Variants in HERC4 observed in about 807,000 individuals in gnomAD.
HERC4 encodes the protein HECT and RLD domain containing E3 ubiquitin protein ligase 4.
HERC4 carries 28 observed loss-of-function variants against 124.3 expected under a neutral mutation model. The ratio of observed to expected loss-of-function variants is 0.23; its 90% CI spans 0.17 to 0.31. The LOEUF (loss-of-function observed/expected upper bound fraction) is 0.31, where lower values mean the gene tolerates loss of function less well. Ranked by LOEUF, HERC4 falls within the 10% of genes least tolerant of loss-of-function variation. The probability of loss-of-function intolerance (pLI) is 1.00; values close to 1 mark genes in which losing one functional copy is unlikely to be tolerated. For synonymous variants in HERC4, 407 were observed against 421.5 expected, an observed-to-expected ratio of 0.97 and a Z score of 0.42; for missense variants, 713 against 1,229.3, an observed-to-expected ratio of 0.58 and a Z score of 6.28.
intron 9 of HERC4, among the ~76,000 whole-genome samples, chr10:68,004,170 C>T (rs2037403806): frequency 6.6e-6 from 1 of 152,088 alleles, no homozygotes. Context: ...AGATCTTTTG[C>T]CCATTTTTTA....
chr10:68,053,564 T>C (rs2133627288), intron 3 of HERC4, among the ~76,000 whole-genome samples: 1 of 152,248 alleles, frequency 6.6e-6, no homozygotes, highest in South Asian at 2.1e-4. Flanking sequence ...GTGCTGGGAT[T>C]ATAGGTTTGA....
At chr10:67,961,974 ACT>A (rs1234428061) in intron 16 of HERC4, among the ~76,000 whole-genome samples, 1 of 152,046 alleles carries the variant, frequency 6.6e-6, no homozygotes, top group African/African-American at 2.4e-5. Context: ...TTCAGATTAC[ACT>A]CTGTTTAGCT....
intron 21 of HERC4, among the ~76,000 whole-genome samples, chr10:67,939,137 T>C (rs1039547798): frequency 3.3e-5 from 5 of 152,226 alleles, no homozygotes; most frequent in Admixed American, 1.3e-4. Context: ...GAAAGGAATG[T>C]ACCAGTGGAA....
At chr10:68,013,021 T>G (rs1282827735) in intron 9 of HERC4, among the ~76,000 whole-genome samples, 1 of 152,158 alleles carries the variant, frequency 6.6e-6, no homozygotes, top group Non-Finnish European at 1.5e-5. Context: ...CATGCCGCAT[T>G]TTATTGTGCT....
chr10:67,967,533 G>A (rs1476329343), intron 15 of HERC4, among the ~76,000 whole-genome samples: 1 of 152,132 alleles, frequency 6.6e-6, no homozygotes, highest in Non-Finnish European at 1.5e-5. Flanking sequence ...ATCTGGACAC[G>A]ATGTGAAAAA....
At chr10:67,971,338 A>G (rs186288798) in intron 15 of HERC4, among the ~76,000 whole-genome samples, 4 of 152,224 alleles carry the variant, frequency 2.6e-5, no homozygotes, top group Admixed American at 2.0e-4. Context: ...TATGAGAAAT[A>G]AAAATTACAG....
chr10:68,036,045 T>A (rs548297402), intron 5 of HERC4, among the ~76,000 whole-genome samples: 1 of 152,288 alleles, frequency 6.6e-6, no homozygotes, highest in South Asian at 2.1e-4. Flanking sequence ...CTGGGCACAG[T>A]GGCTCACGCC....
intron 19 of HERC4, among the ~76,000 whole-genome samples, chr10:67,950,081 T>C (rs755816147): frequency 2.0e-5 from 3 of 151,662 alleles, no homozygotes; most frequent in Non-Finnish European, 2.9e-5. Context: ...CAAAAGAGTA[T>C]CTCCAATATT....
intron 21 of HERC4, among the ~76,000 whole-genome samples, chr10:67,938,209 AACGCGGGCAGATC>A (rs1312035368): frequency 6.7e-6 from 1 of 150,338 alleles, no homozygotes; most frequent in African/African-American, 2.4e-5. Flanking sequence ...TTGGGAGGCT[AACGCGGGCAGATC>A]ACGAGGTCAA....
At chr10:68,012,128 T>C (rs564595141) in intron 9 of HERC4, among the ~76,000 whole-genome samples, 2 of 152,244 alleles carry the variant, frequency 1.3e-5, no homozygotes, top group Non-Finnish European at 2.9e-5. Flanking sequence ...AGAATCTTGG[T>C]CTGGATTAGA....
At chr10:68,027,937 T>G (rs988681364) in intron 7 of HERC4, among the ~76,000 whole-genome samples, 2 of 147,536 alleles carry the variant, frequency 1.4e-5, no homozygotes, top group African/African-American at 4.9e-5. Flanking sequence ...AAGAAAAAAA[T>G]TATATATATA....
intron 11 of HERC4, among the ~76,000 whole-genome samples, chr10:67,991,513 A>G (rs1015679895): frequency 2.6e-5 from 4 of 152,190 alleles, no homozygotes; most frequent in African/African-American, 9.6e-5. Context: ...TTTAATTTAA[A>G]AAAATTTTAA....
chr10:67,966,826 A>G, intron 15 of HERC4, 24 bp from the exon 16 acceptor site: 3 of 1,525,096 alleles, frequency 2.0e-6, no homozygotes, highest in Non-Finnish European at 2.6e-6. Flanking sequence ...TGTAATTGAC[A>G]TTAAATTTAA....
chr10:67,925,657 C>T (rs1259242585), intron 23 of HERC4, among the ~76,000 whole-genome samples: 6 of 152,070 alleles, frequency 3.9e-5, no homozygotes, highest in African/African-American at 9.6e-5. Flanking sequence ...TATTCATGCC[C>T]GTGTGTATAA....
At chr10:68,073,971 C>G (rs999018393) in intron 1 of HERC4, 1 of 152,012 alleles carries the variant, frequency 6.6e-6, no homozygotes, top group East Asian at 1.9e-4. Flanking sequence ...CAAGTGGTAA[C>G]CGGGATTAAA....
chr10:67,927,227 T>A (rs538658303), intron 23 of HERC4, among the ~76,000 whole-genome samples: 1 of 151,896 alleles, frequency 6.6e-6, no homozygotes, highest in African/African-American at 2.4e-5. Context: ...GGCTAAAGTT[T>A]TTTTTTCTTT....
At chr10:67,965,928 A>G (rs1227186120) in intron 16 of HERC4, 1 of 152,248 alleles carries the variant, frequency 6.6e-6, no homozygotes, top group Non-Finnish European at 1.5e-5. Flanking sequence ...TTCAAGTTTT[A>G]TAAGACCATG....
chr10:67,923,142 G>T lies in HERC4; in HGVS notation c.2942-3C>A, dbSNP rs1210347317. ...GCGATCACTACCTGTCAAAAATACT[G>T]CCAAGAAAGAAATCATTCAGTCAAC... On this transcript the variant is annotated splice_polypyrimidine_tract_variant and splice_region_variant and intron_variant, in intron 24 of 24. Coordinates refer to ENST00000373700, the MANE Select transcript of HERC4 (RefSeq NM_015601.4). The T allele has an allele frequency of 1.9e-6, 3 of 1,608,330 alleles. No individual in the cohort carries two copies. Among genetic ancestry groups the T allele is most frequent in the East Asian group, 2.2e-5 (1 of 44,782 alleles).
chr10:68,030,203 G>A (rs542704), intron 7 of HERC4, among the ~76,000 whole-genome samples: 4,968 of 152,004 alleles, frequency 0.033, 269 homozygotes, highest in African/African-American at 0.11. Context: ...ATTCTGGGAG[G>A]CAGAGGCGGG....
Sources: gnomAD v4.1 joint callset for allele counts (sites outside exome capture counted in the v4.1 genomes callset) on GRCh38, gnomAD v4.1.1 for gene constraint, MANE v1.5 for transcripts, NCBI Gene and HGNC (gene_info 2026-07-23, HGNC 2026-07-21) for gene names.